The following EML1 variants were observed in gnomAD, a reference collection of about 807,000 sequenced individuals.
EML1 encodes EMAP like 1.
EML1 carries 27 observed loss-of-function variants against 110.4 expected under a neutral mutation model. The observed-to-expected ratio is 0.24, with a 90% CI of 0.18 to 0.34. EML1 has a LOEUF of 0.34. Ranked by LOEUF, EML1 falls within the 10% of genes least tolerant of loss-of-function variation. The pLI is 1.00. For missense variants in EML1, 741 were observed against 1,030.9 expected (o/e 0.72, Z 3.85); for synonymous variants, 344 against 385.8 (o/e 0.89, Z 1.27).
At position 99,739,911 on chromosome 14, in the gene EML1, G is replaced by C. The variant is rs796248322; in HGVS notation, c.28+2051G>C. 1.5e-4 allele frequency among the ~76,000 whole-genome samples: 23 copies of C among 152,250 alleles called. 1 individual carries two copies. The highest frequency in any genetic ancestry group is 5.5e-4 in the African/African-American group (23 of 41,544). ...GGAACATTCTCAGCTCTCCACTCGTGACTGGTGTGACCTAGGGCAGACTAT... is the reference window on the plus strand; with the variant it reads ...GGAACATTCTCAGCTCTCCACTCGTCACTGGTGTGACCTAGGGCAGACTAT... On this transcript the variant is annotated intron_variant, in intron 1 of 10. Transcript: ENST00000554479.
intron 1 of EML1, among the ~76,000 whole-genome samples, chr14:99,838,003 G>A (rs1294344258): frequency 6.6e-6 from 1 of 152,086 alleles, no homozygotes; most frequent in Non-Finnish European, 1.5e-5. Flanking sequence ...GTCTCACTAT[G>A]TTGCCCTGGC....
At chr14:99,911,287 C>A in intron 12 of EML1, 135 bp from the exon 13 acceptor site, 1 of 1,039,518 alleles carries the variant, frequency 9.6e-7, no homozygotes. Flanking sequence ...GAAATTGGAT[C>A]CTTCATAGAT....
At chr14:99,888,401 C>T (rs1162926230) in intron 4 of EML1, among the ~76,000 whole-genome samples, 2 of 152,164 alleles carry the variant, frequency 1.3e-5, no homozygotes, top group Non-Finnish European at 2.9e-5. Flanking sequence ...ATAGCTTTTG[C>T]ATCATTCTAC....
At chr14:99,755,850 G>A (rs759686625) in intron 1 of EML1, among the ~76,000 whole-genome samples, 8 of 152,270 alleles carry the variant, frequency 5.3e-5, no homozygotes, top group Middle Eastern at 3.4e-3. Context: ...AGGAGGCAGG[G>A]GGCAGGAGCC....
Position 99,938,000 on chromosome 14 carries a change from C to T in EML1, c.2191+88C>T. 4 of 1,373,476 alleles carry T rather than the reference C, an allele frequency of 2.9e-6. 1 individual carries two copies. 85.1% of individuals were successfully genotyped at this position (1,373,476 alleles called of 1,614,324 possible). ...CAGTTGCTACGGAGTCTCATGGTCA[C>T]CAGTCTTGTCAGATTGCTCGGCTGC... On this transcript the variant is annotated intron_variant, in intron 20 of 21. Coordinates refer to ENST00000262233, the MANE Select transcript of EML1 (RefSeq NM_004434.3).
At chr14:99,915,141 G>C in intron 15 of EML1, 2 of 218,756 alleles carry the variant, frequency 9.1e-6, no homozygotes, top group South Asian at 1.3e-4. Flanking sequence ...AGCTGGGCAC[G>C]GTGGCTCATG....
chr14:99,742,959 A>G (rs1372028125), intron 1 of EML1, among the ~76,000 whole-genome samples: 1 of 152,120 alleles, frequency 6.6e-6, no homozygotes, highest in East Asian at 1.9e-4. Context: ...TGATATTGAC[A>G]CCAAGAAGGA....
In EML1 at chr14:99,865,507, C is replaced by T; in HGVS notation, c.251-7C>T. ...CTTTCTGATATTATTTTCTGCTTGT[C>T]TTACAGCAAGACCACTGATGCAGAC... On this transcript the variant is annotated splice_region_variant and splice_polypyrimidine_tract_variant and intron_variant, in intron 2 of 21. Coordinates refer to ENST00000262233, the MANE Select transcript of EML1 (RefSeq NM_004434.3). 1 of 1,613,538 alleles carries T rather than the reference C, an allele frequency of 6.2e-7. No homozygotes were observed. The highest frequency in any genetic ancestry group is 8.5e-7 in the Non-Finnish European group (1 of 1,179,820).
intron 3 of EML1, among the ~76,000 whole-genome samples, chr14:99,868,568 A>G (rs1360511149): frequency 6.6e-6 from 1 of 151,796 alleles, no homozygotes; most frequent in Non-Finnish European, 1.5e-5. Flanking sequence ...GGACTTATCC[A>G]TTTGCTCTAG....
At chr14:99,887,173 G>A (rs982741370) in intron 4 of EML1, among the ~76,000 whole-genome samples, 3 of 152,168 alleles carry the variant, frequency 2.0e-5, no homozygotes, top group African/African-American at 7.2e-5. Flanking sequence ...AGATTCAAAT[G>A]TACCTCATCC....
chr14:99,872,478 G>A (rs879136540), intron 3 of EML1, among the ~76,000 whole-genome samples: 9 of 152,100 alleles, frequency 5.9e-5, no homozygotes, highest in Admixed American at 4.6e-4. Context: ...CAGAATATCC[G>A]TTTGATTACT....
intron 2 of EML1, among the ~76,000 whole-genome samples, chr14:99,853,819 G>A (rs955587888): frequency 3.9e-5 from 6 of 152,030 alleles, no homozygotes; most frequent in Admixed American, 2.0e-4. Flanking sequence ...ACAGGCACAC[G>A]CCACCACACC....
chr14:99,919,305 GAA>G (rs1050022673), intron 16 of EML1, among the ~76,000 whole-genome samples: 1 of 152,098 alleles, frequency 6.6e-6, no homozygotes, highest in African/African-American at 2.4e-5. Context: ...TATGGATAAA[GAA>G]AGTGTAGCCC....
At chr14:99,893,284 G>C (rs2059618645) in intron 5 of EML1, among the ~76,000 whole-genome samples, 2 of 152,170 alleles carry the variant, frequency 1.3e-5, no homozygotes, top group African/African-American at 4.8e-5. Context: ...GGCCTTGGTG[G>C]GTTTGGCAGC....
chr14:99,881,800 C>T (rs1566915298), intron 4 of EML1, among the ~76,000 whole-genome samples: 1 of 152,040 alleles, frequency 6.6e-6, no homozygotes, highest in Non-Finnish European at 1.5e-5. Context: ...GGGGTTTCAC[C>T]ACATTGGCCA....
upstream of EML1, among the ~76,000 whole-genome samples, chr14:99,767,983 T>G (rs2057384543): frequency 6.6e-6 from 1 of 152,176 alleles, no homozygotes; most frequent in Admixed American, 6.5e-5. Context: ...TGAATTCAAA[T>G]TCAGATCCAG....
intron 1 of EML1, among the ~76,000 whole-genome samples, chr14:99,803,121 G>A (rs186674209): frequency 1.3e-5 from 2 of 152,182 alleles, no homozygotes; most frequent in African/African-American, 4.8e-5. Flanking sequence ...GATCGTCTCT[G>A]TGTCTTTTGC....
chr14:99,934,712 G>A (rs2060436611), intron 17 of EML1, among the ~76,000 whole-genome samples: 1 of 152,192 alleles, frequency 6.6e-6, no homozygotes, highest in Non-Finnish European at 1.5e-5. Context: ...GGCCCTGCAT[G>A]GCTCCAGGTT....
At chr14:99,877,743 G>A (rs2059316739) in intron 3 of EML1, among the ~76,000 whole-genome samples, 1 of 152,316 alleles carries the variant, frequency 6.6e-6, no homozygotes, top group African/African-American at 2.4e-5. Context: ...TTCAACCTCA[G>A]CACTATCGAC....
Sources: allele counts gnomAD v4.1 joint callset (sites outside exome capture counted in the v4.1 genomes callset), GRCh38; gene constraint gnomAD v4.1.1; transcripts MANE v1.5; gene names NCBI Gene and HGNC (gene_info 2026-07-23, HGNC 2026-07-21).